Variants in EYS observed in about 807,000 individuals in gnomAD.
The protein encoded by EYS is EGF-like photoreceptor maintenance factor.
In EYS, 250 loss-of-function variants were observed where a neutral mutation model predicts 282.1. The observed-to-expected ratio is 0.89, with a 90% CI of 0.80 to 0.98. The LOEUF (loss-of-function observed/expected upper bound fraction) is 0.98. Among genes scored for constraint, EYS ranks in the 50% least tolerant of loss-of-function variants. The probability of loss-of-function intolerance (pLI) is 0.00; values close to 1 mark genes in which losing one functional copy is unlikely to be tolerated. For missense variants in EYS, 4,016 were observed against 3,709.0 expected (o/e 1.08, Z -2.15); for synonymous variants, 1,355 against 1,282.9 (o/e 1.06, Z -1.20).
intron 12 of EYS, among the ~76,000 whole-genome samples, chr6:65,101,829 T>C (rs1325150352): frequency 6.6e-6 from 1 of 151,246 alleles, no homozygotes; most frequent in Middle Eastern, 3.2e-3. Context: ...TACAGCCTGG[T>C]GCTGACATTC....
intron 21 of EYS, 102 bp from the exon 22 acceptor site, chr6:64,813,679 C>T (rs1048615145): frequency 2.8e-6 from 2 of 702,600 alleles, no homozygotes; most frequent in African/African-American, 1.9e-5. Flanking sequence ...AACTGATGTG[C>T]AAACTTGTTT....
rs111374823 is a variant in EYS at position 63,767,439 on chromosome 6, A to G, written c.7899-4806T>C. On this transcript the variant is annotated intron_variant, in intron 40 of 42. Transcript: ENST00000503581. Reference sequence around the variant, plus strand: ...AGTAGCATGCCTATACACCAATTACATCCAAGGTGAGAACCAAAGCAAGAA... The same window carrying G: ...AGTAGCATGCCTATACACCAATTACGTCCAAGGTGAGAACCAAAGCAAGAA... Among the ~76,000 whole-genome samples, 1,058 of 152,214 alleles carry G rather than the reference A, an allele frequency of 7.0e-3. 15 individuals are homozygous for G. The highest frequency in any genetic ancestry group is 0.024 in the South Asian group (115 of 4,832).
chr6:65,683,740 T>C (rs1217195486), intron 1 of EYS, among the ~76,000 whole-genome samples: 2 of 151,938 alleles, frequency 1.3e-5, no homozygotes, highest in Admixed American at 6.6e-5. Context: ...CTGACAAGGA[T>C]TGAGAGAGCA....
intron 33 of EYS, among the ~76,000 whole-genome samples, chr6:64,052,640 CTG>C (rs1770845906): frequency 2.6e-5 from 4 of 152,130 alleles, no homozygotes; most frequent in Admixed American, 2.6e-4. Context: ...TGGTTTGGCT[CTG>C]TGTCTCCACC....
chr6:64,875,292 G>A (rs183334513), intron 19 of EYS, among the ~76,000 whole-genome samples: 139 of 152,078 alleles, frequency 9.1e-4, no homozygotes, highest in African/African-American at 3.2e-3. Context: ...ATAGGTATTA[G>A]GTGTGCTCTT....
intron 5 of EYS, among the ~76,000 whole-genome samples, chr6:65,442,743 G>T (rs1768387001): frequency 6.7e-6 from 1 of 150,214 alleles, no homozygotes; most frequent in Non-Finnish European, 1.5e-5. Context: ...GACAGAGCGA[G>T]ACTCCATCTC....
chr6:65,434,521 C>T (rs781195499), intron 5 of EYS, among the ~76,000 whole-genome samples: 3 of 152,082 alleles, frequency 2.0e-5, no homozygotes, highest in Non-Finnish European at 4.4e-5. Context: ...GGGGTTTCAC[C>T]ATGTTAGCCA....
Position 64,681,864 on chromosome 6 carries a change from T to G in EYS, c.3444-55619A>C, listed in dbSNP as rs1769910126. Among the ~76,000 whole-genome samples the G allele has an allele frequency of 4.6e-5, 7 of 152,178 alleles. No individual in the cohort carries two copies. The South Asian group carries it at 1.4e-3, about 31-fold the overall frequency. ...GAGAACAAAGGCAGTTAATCATTCT[T>G]TTACATTTGTTACACCACATGTCTT... On this transcript the variant is annotated intron_variant, in intron 22 of 42. Coordinates refer to ENST00000503581, the MANE Select transcript of EYS (RefSeq NM_001142800.2).
intron 29 of EYS, among the ~76,000 whole-genome samples, chr6:64,338,291 C>G (rs1000962045): frequency 6.6e-6 from 1 of 151,846 alleles, no homozygotes; most frequent in Non-Finnish European, 1.5e-5. Context: ...TTTCTGGATA[C>G]AAGATTAGTT....
chr6:64,947,917 A>G (rs1009089158), intron 14 of EYS, among the ~76,000 whole-genome samples: 2 of 151,840 alleles, frequency 1.3e-5, no homozygotes, highest in African/African-American at 4.8e-5. Flanking sequence ...AGACAAATGC[A>G]TAAGCACACT....
intron 2 of EYS, among the ~76,000 whole-genome samples, chr6:65,612,505 C>T (rs1338990253): frequency 2.0e-5 from 3 of 151,658 alleles, no homozygotes; most frequent in Non-Finnish European, 4.4e-5. Flanking sequence ...TTATTAACTG[C>T]ATTATGGAAT....
intron 5 of EYS, among the ~76,000 whole-genome samples, chr6:65,456,877 GT>G (rs1764638236): frequency 6.6e-6 from 1 of 152,122 alleles, no homozygotes; most frequent in Non-Finnish European, 1.5e-5. Flanking sequence ...AACTGTCCCT[GT>G]TTGTAGACAA....
In EYS at chr6:64,461,111, G is replaced by A. The variant is rs116273095; in HGVS notation, c.5645-21759C>T. Among the ~76,000 whole-genome samples, 1,024 of 152,230 alleles carry A rather than the reference G, an allele frequency of 6.7e-3. 7 individuals are homozygous for A. Among genetic ancestry groups the A allele is most frequent in the Non-Finnish European group, 0.012 (804 of 68,000 alleles). On this transcript the variant is annotated intron_variant, in intron 26 of 42. Coordinates refer to ENST00000503581, the MANE Select transcript of EYS (RefSeq NM_001142800.2). ...CCTGCAGGTGAACATTTCCCCTCAG[G>A]CAATGTTGGAGGTTGGAAGTTTCAT...
intron 19 of EYS, among the ~76,000 whole-genome samples, chr6:64,846,101 T>G (rs1383065304): frequency 6.6e-6 from 1 of 152,192 alleles, no homozygotes; most frequent in African/African-American, 2.4e-5. Flanking sequence ...TCAATAACTC[T>G]CTGTTTATCC....
intron 13 of EYS, among the ~76,000 whole-genome samples, chr6:65,022,480 T>G (rs563146566): frequency 6.6e-6 from 1 of 152,274 alleles, no homozygotes; most frequent in South Asian, 2.1e-4. Flanking sequence ...CTATTCTTTC[T>G]GTAGCTCTTC....
chr6:65,027,407 C>A (rs1289875590), intron 13 of EYS, among the ~76,000 whole-genome samples: 1 of 152,130 alleles, frequency 6.6e-6, no homozygotes, highest in Non-Finnish European at 1.5e-5. Context: ...TGTTATTGGA[C>A]CCTCCTACAT....
chr6:64,071,532 A>C (rs1771577531), intron 32 of EYS, among the ~76,000 whole-genome samples: 1 of 150,532 alleles, frequency 6.6e-6, no homozygotes. Flanking sequence ...TAAGTAAATA[A>C]AATCTTTGAC....
intron 13 of EYS, among the ~76,000 whole-genome samples, chr6:65,000,814 A>G (rs964616846): frequency 6.6e-6 from 1 of 152,226 alleles, no homozygotes; most frequent in African/African-American, 2.4e-5. Context: ...ATGGTGAACA[A>G]CCGTATAATG....
chr6:64,279,202 A>G (rs1768217827), intron 30 of EYS, among the ~76,000 whole-genome samples: 1 of 152,180 alleles, frequency 6.6e-6, no homozygotes, highest in Non-Finnish European at 1.5e-5. Context: ...AAATAAATAC[A>G]GTAAAAGAAA....
Sources: gnomAD v4.1 joint callset for allele counts (sites outside exome capture counted in the v4.1 genomes callset) on GRCh38, gnomAD v4.1.1 for gene constraint, MANE v1.5 for transcripts, NCBI Gene and HGNC (gene_info 2026-07-23, HGNC 2026-07-21) for gene names.